Variants in NFATC2 observed in about 807,000 individuals in gnomAD.
NFATC2 encodes nuclear factor of activated T cells 2.
NFATC2 carries 22 observed loss-of-function variants against 87.3 expected under a neutral mutation model. That is an observed-to-expected ratio of 0.25 (90% CI 0.18 to 0.36). The LOEUF (loss-of-function observed/expected upper bound fraction) is 0.36. Among genes scored for constraint, NFATC2 ranks in the 10% least tolerant of loss-of-function variants. NFATC2 has a pLI of 1.00. For missense variants in NFATC2, 1,149 were observed against 1,259.1 expected, an observed-to-expected ratio of 0.91 and a Z score of 1.32; for synonymous variants, 565 against 542.2, an observed-to-expected ratio of 1.04 and a Z score of -0.58.
intron 9 of NFATC2, among the ~76,000 whole-genome samples, chr20:51,422,267 G>A (rs889164627): frequency 6.6e-6 from 1 of 152,226 alleles, no homozygotes; most frequent in South Asian, 2.1e-4. Flanking sequence ...CCTTGCCAGA[G>A]ATCTGATTTT....
intron 9 of NFATC2, among the ~76,000 whole-genome samples, chr20:51,403,025 C>G (rs7263269): frequency 0.14 from 21,726 of 152,240 alleles, 1,829 homozygotes; most frequent in Admixed American, 0.22. Flanking sequence ...GCTCACAGCA[C>G]AGGCCCAACA....
In NFATC2 at chr20:51,523,358, G is replaced by T. The variant is rs1453983131; in HGVS notation, c.883C>A (p.Pro295Thr). The T allele has an allele frequency of 6.2e-7, 1 of 1,611,856 alleles. No individual in the cohort carries two copies. The highest frequency in any genetic ancestry group is 8.5e-7 in the Non-Finnish European group (1 of 1,178,974). ...PQDHGSPAGY[P>T]PVAGSAVIMD... ...ATCACGGCAGAGCCAGCCACAGGGG[G>T]GTACCCAGCCGGGGAGCCGTGGTCC... Residue 295 changes from proline to threonine, a missense_variant, in exon 2 of 11, where the codon CCC becomes ACC. Transcript: ENST00000371564. This position sits in a 1 kb window ranked among gnomAD's most constrained non-coding sequence, Gnocchi z 6.9.
chr20:51,410,425 T>C lies in NFATC2; in HGVS notation c.2723-11695A>G, dbSNP rs998536332. Among the ~76,000 whole-genome samples the C allele has an allele frequency of 2.6e-5, 4 of 152,178 alleles. No homozygotes were observed. In the East Asian group the frequency reaches 5.8e-4, roughly 22 times the overall value. ...CAGAAGAGCTCAGAGGAAATGACTA[T>C]CCTATTGTTCTTTAAGCTTAGGGGG... On this transcript the variant is annotated intron_variant, in intron 9 of 10. Coordinates refer to ENST00000371564, the MANE Select transcript of NFATC2 (RefSeq NM_012340.5).
At chr20:51,531,679 A>AC (rs1425205087) in intron 1 of NFATC2, among the ~76,000 whole-genome samples, 1 of 152,210 alleles carries the variant, frequency 6.6e-6, no homozygotes. Context: ...TGGTGATGAT[A>AC]CAAGCCTGTC....
chr20:51,494,628 G>A (rs2075958530), intron 3 of NFATC2, among the ~76,000 whole-genome samples: 1 of 151,652 alleles, frequency 6.6e-6, no homozygotes, highest in Non-Finnish European at 1.5e-5. Context: ...ACTGGCACTT[G>A]GCTTCCATAA....
At chr20:51,557,337 C>T (rs986471128) in intron 1 of NFATC2, among the ~76,000 whole-genome samples, 4 of 152,150 alleles carry the variant, frequency 2.6e-5, no homozygotes, top group African/African-American at 4.8e-5. Flanking sequence ...CAGACTCCAC[C>T]ACTCGCTAGG....
At chr20:51,402,964 A>G (rs371383627) in intron 9 of NFATC2, among the ~76,000 whole-genome samples, 2 of 152,212 alleles carry the variant, frequency 1.3e-5, no homozygotes, top group African/African-American at 4.8e-5. Context: ...TCGCCCTCCC[A>G]TAAGTTCACC....
At chr20:51,517,850 G>A (rs1442403275) in intron 2 of NFATC2, among the ~76,000 whole-genome samples, 1 of 151,112 alleles carries the variant, frequency 6.6e-6, no homozygotes, top group Admixed American at 6.6e-5. Flanking sequence ...TTGGGAGGTG[G>A]AGGTTGCAGT....
At position 51,435,719 on chromosome 20, in the gene NFATC2, T is replaced by C. The variant is rs1488927207; in HGVS notation, c.1892A>G (p.Asp631Gly). 6.2e-7 allele frequency: 1 copy of C among 1,609,912 alleles called. No homozygotes were observed. Among genetic ancestry groups the C allele is most frequent in the South Asian group, 1.1e-5 (1 of 89,772 alleles). Residue 631 changes from aspartate (D) to glycine (G), a missense_variant, in exon 7 of 11, where the codon GAC becomes GGC. Transcript: ENST00000371564. ...TCACGTGCTTACGGGCTGGCTCTTGTCCTTATCCACCGTGGCTTCCATCTC... is the reference window on the plus strand; with the variant it reads ...TCACGTGCTTACGGGCTGGCTCTTGCCCTTATCCACCGTGGCTTCCATCTC... ...IWEMEATVDK[D>G]KSQPNMLFVE...
intron 3 of NFATC2, among the ~76,000 whole-genome samples, chr20:51,510,121 T>C (rs1019619685): frequency 9.9e-5 from 15 of 152,234 alleles, no homozygotes; most frequent in African/African-American, 3.6e-4. Context: ...AAGGATGGCG[T>C]TCTGATTATT....
intron 9 of NFATC2, among the ~76,000 whole-genome samples, chr20:51,420,546 T>C (rs1980722761): frequency 6.6e-6 from 1 of 152,096 alleles, no homozygotes; most frequent in African/African-American, 2.4e-5. Context: ...AATTGCAATA[T>C]AATACTAATG....
At chr20:51,468,482 T>G (rs1676817873) in intron 5 of NFATC2, among the ~76,000 whole-genome samples, 1 of 152,228 alleles carries the variant, frequency 6.6e-6, no homozygotes, top group South Asian at 2.1e-4. Flanking sequence ...GTGAAATTGC[T>G]TTACGTGTTT....
intron 9 of NFATC2, among the ~76,000 whole-genome samples, chr20:51,401,627 C>T (rs1170402151): frequency 6.6e-6 from 1 of 152,120 alleles, no homozygotes; most frequent in Non-Finnish European, 1.5e-5. Context: ...ATCTACAAAT[C>T]CTCCCAAAGA....
intron 3 of NFATC2, among the ~76,000 whole-genome samples, chr20:51,512,529 A>T (rs894264844): frequency 3.9e-5 from 6 of 152,232 alleles, no homozygotes; most frequent in African/African-American, 1.4e-4. Context: ...GAGTCATGAG[A>T]TCTGACAAGC....
chr20:51,395,601 C>G (rs1267096930), intron 10 of NFATC2, among the ~76,000 whole-genome samples: 2 of 43,090 alleles, frequency 4.6e-5, no homozygotes, highest in Non-Finnish European at 8.1e-5. Context: ...AGAATGATCT[C>G]ACAGAGGTGC....
intron 5 of NFATC2, among the ~76,000 whole-genome samples, chr20:51,462,335 A>G (rs1987249686): frequency 1.3e-5 from 2 of 151,694 alleles, no homozygotes; most frequent in Non-Finnish European, 2.9e-5. Flanking sequence ...AATCCCAGCT[A>G]CTTGGGAGGC....
intron 10 of NFATC2, among the ~76,000 whole-genome samples, chr20:51,398,358 A>G (rs1987532570): frequency 6.6e-6 from 1 of 152,066 alleles, no homozygotes. Context: ...GCAGGCTCCA[A>G]AGACGTTGCT....
At chr20:51,541,567 T>C (rs925680237) in intron 1 of NFATC2, among the ~76,000 whole-genome samples, 2 of 151,808 alleles carry the variant, frequency 1.3e-5, no homozygotes, top group Non-Finnish European at 2.9e-5. Flanking sequence ...AGGCACAGAG[T>C]GACAAAGTTC....
intron 3 of NFATC2, among the ~76,000 whole-genome samples, chr20:51,510,162 G>A (rs914685060): frequency 6.6e-6 from 1 of 150,670 alleles, no homozygotes; most frequent in Non-Finnish European, 1.5e-5. Context: ...CCAGAGAGTT[G>A]TAAGAATAAC....
Sources: allele counts gnomAD v4.1 joint callset (sites outside exome capture counted in the v4.1 genomes callset), GRCh38; gene constraint gnomAD v4.1.1; non-coding constraint Gnocchi (gnomAD v3.1); transcripts MANE v1.5; gene names NCBI Gene and HGNC (gene_info 2026-07-23, HGNC 2026-07-21).